Variants in TMEFF1 observed in about 807,000 individuals in gnomAD.
TMEFF1 encodes transmembrane protein with EGF like and two follistatin like domains 1.
TMEFF1 carries 20 observed loss-of-function variants against 47.5 expected under a neutral mutation model. The ratio of observed to expected loss-of-function variants is 0.42; its 90% CI spans 0.30 to 0.61. The LOEUF (loss-of-function observed/expected upper bound fraction) is 0.61, where lower values mean the gene tolerates loss of function less well. Among genes scored for constraint, TMEFF1 ranks in the 20% least tolerant of loss-of-function variants. The pLI, the probability that TMEFF1 is intolerant of heterozygous loss-of-function variation, is 0.19. For missense variants in TMEFF1, 411 were observed against 471.1 expected (o/e 0.87, Z 1.18); for synonymous variants, 162 against 166.3 (o/e 0.97, Z 0.20).
intron 5 of TMEFF1, among the ~76,000 whole-genome samples, chr9:100,532,334 C>T (rs1424123071): frequency 1.3e-5 from 2 of 152,064 alleles, no homozygotes; most frequent in African/African-American, 4.8e-5. Context: ...ATTTTTGCAA[C>T]CTACTCATCT....
intron 5 of TMEFF1, among the ~76,000 whole-genome samples, chr9:100,519,994 T>C (rs1398587504): frequency 6.6e-6 from 1 of 152,166 alleles, no homozygotes; most frequent in Non-Finnish European, 1.5e-5. Flanking sequence ...CTCTAATATT[T>C]TCTATCCTAC....
chr9:100,484,212 C>A (rs914517672), intron 1 of TMEFF1, among the ~76,000 whole-genome samples: 8 of 152,162 alleles, frequency 5.3e-5, no homozygotes, highest in African/African-American at 1.9e-4. Context: ...TAATTGATAT[C>A]TGTGCTACCC....
In TMEFF1 at chr9:100,473,339, C is replaced by A; in HGVS notation, c.-206C>A. On this transcript the variant is annotated 5_prime_UTR_variant, in exon 1 of 10. Transcript: ENST00000374879. This position sits in a 1 kb window ranked among gnomAD's most constrained non-coding sequence, Gnocchi z 5.4. Reference sequence around the variant, plus strand: ...CTTGCGCGCCCGCGACCCTCGCACGCGCCCGGACCCGCCGACTCCGTCCCG... The same window carrying A: ...CTTGCGCGCCCGCGACCCTCGCACGAGCCCGGACCCGCCGACTCCGTCCCG... 4.1e-6 allele frequency: 1 copy of A among 242,674 alleles called. No homozygotes were observed. The highest frequency in any genetic ancestry group is 7.4e-6 in the Non-Finnish European group (1 of 134,348). The allele number at this position is 242,674 out of a possible 1,614,324, so 15.0% of individuals were successfully genotyped here. A position where few individuals can be genotyped will look rare whatever the true frequency, so the allele number is the denominator to read the frequency against.
intron 8 of TMEFF1, among the ~76,000 whole-genome samples, chr9:100,568,754 C>T (rs751245666): frequency 9.9e-5 from 15 of 152,090 alleles, no homozygotes; most frequent in South Asian, 2.1e-4. Flanking sequence ...TCTAGGCATC[C>T]GCTAATTTAT....
intron 1 of TMEFF1, among the ~76,000 whole-genome samples, chr9:100,491,691 A>G (rs901044087): frequency 2.2e-4 from 33 of 152,298 alleles, no homozygotes; most frequent in African/African-American, 7.9e-4. Flanking sequence ...AACATTTACT[A>G]TACAGTAGGG....
At chr9:100,538,638 C>T (rs1407329355) in intron 5 of TMEFF1, among the ~76,000 whole-genome samples, 1 of 152,034 alleles carries the variant, frequency 6.6e-6, no homozygotes, top group East Asian at 1.9e-4. Flanking sequence ...CTTTTGATTG[C>T]TTTTGTATTT....
intron 8 of TMEFF1, among the ~76,000 whole-genome samples, chr9:100,571,140 A>G (rs1170172427): frequency 6.6e-6 from 1 of 152,096 alleles, no homozygotes; most frequent in Admixed American, 6.6e-5. Flanking sequence ...TGCATCTTAC[A>G]TGTTTATATT....
At chr9:100,520,102 A>T (rs1002702089) in intron 5 of TMEFF1, among the ~76,000 whole-genome samples, 2 of 152,206 alleles carry the variant, frequency 1.3e-5, no homozygotes, top group African/African-American at 4.8e-5. Context: ...ATAGTAAACT[A>T]TAATAGATGT....
intron 1 of TMEFF1, among the ~76,000 whole-genome samples, chr9:100,474,170 AG>A (rs1837175382): frequency 1.2e-4 from 1 of 8,528 alleles, no homozygotes; most frequent in Non-Finnish European, 2.2e-4. Context: ...GGAGACGGCG[AG>A]GGGGCTGGGC....
At chr9:100,478,049 GT>G (rs1837268794) in intron 1 of TMEFF1, among the ~76,000 whole-genome samples, 1 of 152,176 alleles carries the variant, frequency 6.6e-6, no homozygotes, top group South Asian at 2.1e-4. Flanking sequence ...AGATGTAAAA[GT>G]TTTTTCAGCA....
intron 5 of TMEFF1, among the ~76,000 whole-genome samples, chr9:100,545,098 G>A (rs1169242540): frequency 6.6e-6 from 1 of 152,206 alleles, no homozygotes; most frequent in Non-Finnish European, 1.5e-5. Context: ...GCTGTCAGTA[G>A]ATCTGTCATT....
At chr9:100,482,163 C>CTCT (rs892835284) in intron 1 of TMEFF1, among the ~76,000 whole-genome samples, 1 of 151,494 alleles carries the variant, frequency 6.6e-6, no homozygotes, top group Non-Finnish European at 1.5e-5. Context: ...TTTCTGCCGA[C>CTCT]TCTTCTTCTT....
At chr9:100,490,799 G>T (rs2118284394) in intron 1 of TMEFF1, among the ~76,000 whole-genome samples, 1 of 147,994 alleles carries the variant, frequency 6.8e-6, no homozygotes, top group Admixed American at 6.7e-5. Context: ...ACTGTTACCG[G>T]TTTTGTTTAT....
chr9:100,568,786 C>T (rs1421558348), intron 8 of TMEFF1, among the ~76,000 whole-genome samples: 3 of 152,126 alleles, frequency 2.0e-5, no homozygotes, highest in African/African-American at 7.2e-5. Flanking sequence ...ATAGACTTAC[C>T]TATTCTGGAT....
intron 5 of TMEFF1, among the ~76,000 whole-genome samples, chr9:100,518,178 C>A (rs1427262710): frequency 6.6e-6 from 1 of 152,122 alleles, no homozygotes; most frequent in East Asian, 1.9e-4. Context: ...GTGACATCTG[C>A]ATAATAGGCT....
chr9:100,561,656 C>T (rs1839018012), intron 8 of TMEFF1, 136 bp downstream of exon 8: 6 of 1,298,478 alleles, frequency 4.6e-6, no homozygotes, highest in Non-Finnish European at 5.9e-6. Context: ...AAAAACAAAT[C>T]AGCAGCATCA....
At chr9:100,518,178 C>T (rs1427262710) in intron 5 of TMEFF1, among the ~76,000 whole-genome samples, 1 of 152,122 alleles carries the variant, frequency 6.6e-6, no homozygotes, top group East Asian at 1.9e-4. Context: ...GTGACATCTG[C>T]ATAATAGGCT....
Position 100,522,382 on chromosome 9 carries a change from A to G in TMEFF1, c.560+5611A>G, listed in dbSNP as rs543973412. Reference sequence around the variant, plus strand: ...TATTAAGCATTATTTTATCCAAAGTATAATCTGGATGTTAGTAATGACAGG... The same window carrying G: ...TATTAAGCATTATTTTATCCAAAGTGTAATCTGGATGTTAGTAATGACAGG... On this transcript the variant is annotated intron_variant, in intron 5 of 9. Coordinates refer to ENST00000374879, the MANE Select transcript of TMEFF1 (RefSeq NM_003692.5). 2.6e-4 allele frequency among the ~76,000 whole-genome samples: 39 copies of G among 151,040 alleles called. 1 individual carries two copies. Among genetic ancestry groups the G allele is most frequent in the Non-Finnish European group, 4.9e-4 (33 of 67,752 alleles).
intron 5 of TMEFF1, among the ~76,000 whole-genome samples, chr9:100,518,908 G>A (rs534005687): frequency 7.9e-5 from 12 of 152,084 alleles, no homozygotes; most frequent in Middle Eastern, 3.4e-3. Context: ...GTTTAGGTCT[G>A]GAAAATGGAA....
Sources: allele counts gnomAD v4.1 joint callset (sites outside exome capture counted in the v4.1 genomes callset), GRCh38; gene constraint gnomAD v4.1.1; non-coding constraint Gnocchi (gnomAD v3.1); transcripts MANE v1.5; gene names NCBI Gene and HGNC (gene_info 2026-07-23, HGNC 2026-07-21).